Variants in SDK2 observed in about 807,000 individuals in gnomAD.
SDK2 encodes the protein protein sidekick-2.
A neutral mutation model predicts 253.9 loss-of-function variants in SDK2; 105 were observed. That is an observed-to-expected ratio of 0.41 (90% CI 0.35 to 0.49). The LOEUF (loss-of-function observed/expected upper bound fraction) is 0.49. Ranked by LOEUF, SDK2 falls within the 20% of genes least tolerant of loss-of-function variation. SDK2 has a pLI of 0.06. For synonymous variants in SDK2, 1,249 were observed against 1,234.9 expected (o/e 1.01, Z -0.24); for missense variants, 2,608 against 3,003.0 (o/e 0.87, Z 3.07).
At chr17:73,580,919 G>T (rs1241049504) in intron 1 of SDK2, among the ~76,000 whole-genome samples, 1 of 152,176 alleles carries the variant, frequency 6.6e-6, no homozygotes, top group Non-Finnish European at 1.5e-5. Flanking sequence ...TTGAGTCAGG[G>T]TCTTGCTCTC....
Position 73,612,387 on chromosome 17 carries a change from G to A in SDK2, c.64+31638C>T, listed in dbSNP as rs936547452. 4.0e-5 allele frequency among the ~76,000 whole-genome samples: 6 copies of A among 151,350 alleles called. No homozygotes were observed. The highest frequency in any genetic ancestry group is 2.0e-4 in the East Asian group (1 of 5,122). ...GCCCCGCACAGTCCCCACCCTCACCGGGTCCCTGTGGCCCAGCTGCACCTA... is the reference window on the plus strand; with the variant it reads ...GCCCCGCACAGTCCCCACCCTCACCAGGTCCCTGTGGCCCAGCTGCACCTA... On this transcript the variant is annotated intron_variant, in intron 1 of 44. Coordinates refer to ENST00000392650, the MANE Select transcript of SDK2 (RefSeq NM_001144952.2). This position sits in a 1 kb window ranked among gnomAD's most constrained non-coding sequence, Gnocchi z 4.4.
chr17:73,379,841 G>A lies in SDK2; in HGVS notation c.4763-292C>T, dbSNP rs765469076. 2.0e-5 allele frequency among the ~76,000 whole-genome samples: 3 copies of A among 151,988 alleles called. No homozygotes were observed. The highest frequency in any genetic ancestry group is 2.9e-5 in the Non-Finnish European group (2 of 67,984). ...AAACCACTATGAATATTTACACCGG[G>A]ACAACCAGTGTAAACCAAAGCTGTC... is the stretch of plus-strand genomic sequence containing the variant. On this transcript the variant is annotated intron_variant, in intron 34 of 44. Transcript: ENST00000392650. The surrounding 1 kb of genome is among the most constrained non-coding windows in gnomAD (Gnocchi z 4.5).
In SDK2 at chr17:73,402,146, G is replaced by A. The variant is rs2063034074; in HGVS notation, c.2485-5C>T. ...TTCCGGCTCCCAGGCGATCAGCTGC[G>A]GAGAGGCGAGCAAGTCACACAGGGC... On this transcript the variant is annotated splice_polypyrimidine_tract_variant and splice_region_variant and intron_variant, in intron 18 of 44. Coordinates refer to ENST00000392650, the MANE Select transcript of SDK2 (RefSeq NM_001144952.2). 1.9e-6 allele frequency: 3 copies of A among 1,611,838 alleles called. No homozygotes were observed. Among genetic ancestry groups the A allele is most frequent in the Non-Finnish European group, 1.7e-6 (2 of 1,178,598 alleles).
chr17:73,399,341 A>G (rs1435132525), intron 21 of SDK2, 52 bp from the exon 22 acceptor site: 15 of 1,606,370 alleles, frequency 9.3e-6, no homozygotes, highest in Non-Finnish European at 1.3e-5. Context: ...ATGGCCCCCC[A>G]TGTTGAACGG....
At chr17:73,474,283 C>T (rs1375767077) in intron 2 of SDK2, among the ~76,000 whole-genome samples, 2 of 152,250 alleles carry the variant, frequency 1.3e-5, no homozygotes, top group African/African-American at 2.4e-5. Context: ...TTAATCTCCA[C>T]ACTAACCCTA....
intron 36 of SDK2, among the ~76,000 whole-genome samples, chr17:73,375,968 G>T (rs1022340033): frequency 1.8e-4 from 28 of 151,402 alleles, no homozygotes; most frequent in Admixed American, 4.6e-4. Flanking sequence ...GGCCGAGGTG[G>T]GTGGATCACG....
chr17:73,561,569 C>T (rs2045234674), intron 1 of SDK2, among the ~76,000 whole-genome samples: 1 of 152,180 alleles, frequency 6.6e-6, no homozygotes, highest in African/African-American at 2.4e-5. Flanking sequence ...TTTGGGGGCA[C>T]TGGGGATCAC....
In SDK2 at chr17:73,379,099, C is replaced by T; in HGVS notation, c.4980+78G>A. 2 of 1,096,246 alleles carry T rather than the reference C, an allele frequency of 1.8e-6. No individual in the cohort carries two copies. Among genetic ancestry groups the T allele is most frequent in the Admixed American group, 2.1e-5 (1 of 47,888 alleles). The allele number at this position is 1,096,246 out of a possible 1,614,324, so 67.9% of individuals were successfully genotyped here. ...GAGGGCCTGGGGACCTGCCTGCCTC[C>T]CACATATCACTCACTCCCCAGCCTC... On this transcript the variant is annotated intron_variant, in intron 36 of 44. Coordinates refer to ENST00000392650, the MANE Select transcript of SDK2 (RefSeq NM_001144952.2). This position sits in a 1 kb window ranked among gnomAD's most constrained non-coding sequence, Gnocchi z 4.5.
In SDK2 at chr17:73,383,772, GT is replaced by G. The variant is rs1374550563; in HGVS notation, c.4705+103del. On this transcript the variant is annotated intron_variant, in intron 33 of 44. Coordinates refer to ENST00000392650, the MANE Select transcript of SDK2 (RefSeq NM_001144952.2). This position sits in a 1 kb window ranked among gnomAD's most constrained non-coding sequence, Gnocchi z 4.3. The stretch of plus-strand genomic sequence containing the variant: ...GGCACACATGGAGGAGGGAGGCAAG[GT>G]TTCAGGTTAGAGTGGTTCCAGGAAG... 1.4e-6 allele frequency: 2 copies of G among 1,432,956 alleles called. No individual in the cohort carries two copies. The highest frequency in any genetic ancestry group is 1.9e-6 in the Non-Finnish European group (2 of 1,037,888). The allele number at this position is 1,432,956 out of a possible 1,614,324, so 88.8% of individuals were successfully genotyped here. A position where few individuals can be genotyped will look rare whatever the true frequency, so the allele number is the denominator to read the frequency against.
intron 1 of SDK2, among the ~76,000 whole-genome samples, chr17:73,540,172 A>G (rs1905378): frequency 0.59 from 89,112 of 151,864 alleles, 26,347 homozygotes; most frequent in South Asian, 0.64. Context: ...GGCTGTCCCC[A>G]CTGGAAGCTG....
Position 73,642,516 on chromosome 17 carries a change from G to A in SDK2, c.64+1509C>T, listed in dbSNP as rs1196571218. ...GTCCTCCTGGGACCCCTCAGAGAGG[G>A]GGCCCAGACCAAGGAGACCCCATGC... On this transcript the variant is annotated intron_variant, in intron 1 of 44. Coordinates refer to ENST00000392650, the MANE Select transcript of SDK2 (RefSeq NM_001144952.2). This position sits in a 1 kb window ranked among gnomAD's most constrained non-coding sequence, Gnocchi z 4.7. Among the ~76,000 whole-genome samples the A allele has an allele frequency of 2.0e-5, 3 of 152,142 alleles. No individual in the cohort carries two copies. Among genetic ancestry groups the A allele is most frequent in the African/African-American group, 7.2e-5 (3 of 41,424 alleles).
At chr17:73,357,950 G>A (rs1245831155) in intron 40 of SDK2, 129 bp downstream of exon 40, 2 of 1,408,356 alleles carry the variant, frequency 1.4e-6, no homozygotes, top group East Asian at 2.3e-5. Context: ...ACAGGGCCAG[G>A]TGACTTCACC....
At chr17:73,491,925 G>A (rs1365008593) in intron 2 of SDK2, among the ~76,000 whole-genome samples, 1 of 152,200 alleles carries the variant, frequency 6.6e-6, no homozygotes, top group East Asian at 1.9e-4. Flanking sequence ...GGGGACTGAG[G>A]AGCACAGCTC....
At position 73,435,738 on chromosome 17, in the gene SDK2, C is replaced by T. The variant is rs767662157; in HGVS notation, c.1001-94G>A. ...GGAGGAGGCCGGGCCCGGAAATCTG[C>T]GAGGGGGTCCCTGGTGAATCTTGGT... On this transcript the variant is annotated intron_variant, in intron 8 of 44. Transcript: ENST00000392650. This position sits in a 1 kb window ranked among gnomAD's most constrained non-coding sequence, Gnocchi z 5.7. 8 of 1,155,624 alleles carry T rather than the reference C, an allele frequency of 6.9e-6. No homozygotes were observed. The highest frequency in any genetic ancestry group is 2.6e-5 in the East Asian group (1 of 38,136). 71.6% of individuals were successfully genotyped at this position (1,155,624 alleles called of 1,614,324 possible). A position where few individuals can be genotyped will look rare whatever the true frequency, so the allele number is the denominator to read the frequency against.
In SDK2 at chr17:73,495,646, T is replaced by TG. The variant is rs879848701; in HGVS notation, c.224+11791_224+11792insC. Among the ~76,000 whole-genome samples the TG allele has an allele frequency of 3.1e-3, 370 of 119,856 alleles. 2 individuals are homozygous for TG. Among genetic ancestry groups the TG allele is most frequent in the African/African-American group, 0.01 (321 of 30,716 alleles). 78.6% of individuals were successfully genotyped at this position (119,856 alleles called of 152,430 possible). A position where few individuals can be genotyped will look rare whatever the true frequency, so the allele number is the denominator to read the frequency against. ...TGTGTGTGTGTGTGTGTGTGTGTGT[T>TG]TGTTTGTGTATGTGTGTGTGTGCAT... On this transcript the variant is annotated intron_variant, in intron 2 of 44. Transcript: ENST00000392650.
At chr17:73,630,126 A>G (rs2046249991) in intron 1 of SDK2, among the ~76,000 whole-genome samples, 1 of 152,096 alleles carries the variant, frequency 6.6e-6, no homozygotes, top group Admixed American at 6.5e-5. Context: ...CACCACCATG[A>G]CACCTAGACT....
intron 1 of SDK2, among the ~76,000 whole-genome samples, chr17:73,523,742 T>A (rs942615749): frequency 1.3e-5 from 2 of 152,034 alleles, no homozygotes; most frequent in Admixed American, 6.6e-5. Context: ...TACTTTCTTA[T>A]AGCAGCAAAT....
intron 2 of SDK2, among the ~76,000 whole-genome samples, chr17:73,480,695 AG>A (rs2063716817): frequency 6.6e-6 from 1 of 152,154 alleles, no homozygotes. Context: ...AGAGAGAGAC[AG>A]GGAGGCTGAG....
At position 73,338,269 on chromosome 17, in the gene SDK2, C is replaced by G. The variant is rs2062398332; in HGVS notation, c.*318G>C. 2.0e-6 allele frequency: 1 copy of G among 504,514 alleles called. No individual in the cohort carries two copies. The highest frequency in any genetic ancestry group is 3.8e-6 in the Non-Finnish European group (1 of 263,674). The allele number at this position is 504,514 out of a possible 1,614,324, so 31.3% of individuals were successfully genotyped here. On this transcript the variant is annotated 3_prime_UTR_variant, in exon 45 of 45. Transcript: ENST00000392650. The surrounding 1 kb of genome is among the most constrained non-coding windows in gnomAD (Gnocchi z 5.0). ...CTCCAGTCCTTAGCCTCCGCTCCCT[C>G]TCTCTCTCCAGATGCCCGCCCCACT...
Sources: gnomAD v4.1 joint callset for allele counts (sites outside exome capture counted in the v4.1 genomes callset) on GRCh38, gnomAD v4.1.1 for gene constraint, Gnocchi (gnomAD v3.1) non-coding constraint, MANE v1.5 for transcripts, NCBI Gene and HGNC (gene_info 2026-07-23, HGNC 2026-07-21) for gene names.